MYO1D: variants seen among roughly 807,000 people sequenced by gnomAD.
MYO1D encodes the protein myosin ID.
A neutral mutation model predicts 122.0 loss-of-function variants in MYO1D; 83 were observed. The ratio of observed to expected loss-of-function variants is 0.68; its 90% CI spans 0.57 to 0.82. The LOEUF (loss-of-function observed/expected upper bound fraction) is 0.82, where lower values mean the gene tolerates loss of function less well. Among genes scored for constraint, MYO1D ranks in the 40% least tolerant of loss-of-function variants. The pLI is 0.00. For synonymous variants in MYO1D, 464 were observed against 446.9 expected, an observed-to-expected ratio of 1.04 and a Z score of -0.48; for missense variants, 1,157 against 1,269.5, an observed-to-expected ratio of 0.91 and a Z score of 1.35.
intron 14 of MYO1D, among the ~76,000 whole-genome samples, chr17:32,725,844 G>A (rs1598042902): frequency 1.3e-5 from 2 of 151,954 alleles, no homozygotes; most frequent in East Asian, 3.9e-4. Context: ...AATCAAAGCA[G>A]CCAGAGGGAA....
At chr17:32,526,471 G>A (rs1440060772) in intron 21 of MYO1D, among the ~76,000 whole-genome samples, 1 of 152,112 alleles carries the variant, frequency 6.6e-6, no homozygotes, top group Non-Finnish European at 1.5e-5. Context: ...ATGAAAATGT[G>A]GCACTACAGA....
intron 1 of MYO1D, among the ~76,000 whole-genome samples, chr17:32,822,686 C>T (rs917967474): frequency 1.3e-5 from 2 of 149,936 alleles, no homozygotes; most frequent in Admixed American, 6.6e-5. Flanking sequence ...TTCCGGCCCT[C>T]GCGCGTCCCT....
At chr17:32,611,125 C>A (rs112072161) in intron 20 of MYO1D, among the ~76,000 whole-genome samples, 1,525 of 152,194 alleles carry the variant, frequency 0.01, 30 homozygotes, top group African/African-American at 0.035. Context: ...GAAGAGGAGG[C>A]CGGCCTGAGA....
At chr17:32,748,238 A>G (rs186992077) in intron 12 of MYO1D, among the ~76,000 whole-genome samples, 1 of 152,318 alleles carries the variant, frequency 6.6e-6, no homozygotes, top group Non-Finnish European at 1.5e-5. Context: ...AATATTTGGA[A>G]AATAATGTAG....
chr17:32,733,755 C>A (rs927373262), intron 14 of MYO1D, among the ~76,000 whole-genome samples: 1 of 152,170 alleles, frequency 6.6e-6, no homozygotes, highest in Non-Finnish European at 1.5e-5. Flanking sequence ...ACTCAGTTAA[C>A]TTCTGTATTC....
intron 1 of MYO1D, among the ~76,000 whole-genome samples, chr17:32,816,237 C>T (rs751009688): frequency 1.1e-4 from 17 of 152,206 alleles, no homozygotes; most frequent in Non-Finnish European, 1.3e-4. Context: ...AAATTATCAA[C>T]AATCATATTA....
At chr17:32,764,116 C>A (rs1567629793) in intron 8 of MYO1D, among the ~76,000 whole-genome samples, 1 of 152,150 alleles carries the variant, frequency 6.6e-6, no homozygotes, top group Non-Finnish European at 1.5e-5. Context: ...ACTATCACTG[C>A]AGGCTTAGTA....
At chr17:32,514,070 C>T (rs796625771) in intron 21 of MYO1D, among the ~76,000 whole-genome samples, 7 of 151,704 alleles carry the variant, frequency 4.6e-5, no homozygotes, top group African/African-American at 7.3e-5. Flanking sequence ...AGTGAAACTC[C>T]GTCTCTACTA....
At chr17:32,495,051 C>T in intron 21 of MYO1D, 136 bp from the exon 22 acceptor site, 1 of 1,137,688 alleles carries the variant, frequency 8.8e-7, no homozygotes, top group Non-Finnish European at 1.2e-6. Context: ...GCCTGAAGGG[C>T]CCCAGAGAGG....
intron 21 of MYO1D, among the ~76,000 whole-genome samples, chr17:32,580,208 A>G (rs11870140): frequency 0.17 from 25,813 of 149,924 alleles, 2,838 homozygotes; most frequent in Non-Finnish European, 0.25. Context: ...ACCATTAAAT[A>G]TGATATTTGC....
intron 21 of MYO1D, among the ~76,000 whole-genome samples, chr17:32,581,702 A>G (rs969451011): frequency 1.3e-5 from 2 of 151,132 alleles, no homozygotes; most frequent in African/African-American, 2.4e-5. Context: ...CCTCCTAACT[A>G]GCTGAGAATA....
intron 6 of MYO1D, among the ~76,000 whole-genome samples, chr17:32,768,516 G>A (rs1353603134): frequency 1.3e-5 from 2 of 152,178 alleles, no homozygotes; most frequent in African/African-American, 4.8e-5. Flanking sequence ...TCCTCAGTAA[G>A]TTTCTCCTCT....
At chr17:32,739,144 C>T (rs2089744148) in intron 13 of MYO1D, among the ~76,000 whole-genome samples, 1 of 151,960 alleles carries the variant, frequency 6.6e-6, no homozygotes, top group African/African-American at 2.4e-5. Context: ...ATTTTGGGTG[C>T]TTTTGATGTT....
intron 21 of MYO1D, among the ~76,000 whole-genome samples, chr17:32,557,547 G>C (rs2087079088): frequency 6.6e-6 from 1 of 151,928 alleles, no homozygotes; most frequent in Non-Finnish European, 1.5e-5. Context: ...ACTCAGGCCA[G>C]AGTGCAGTGG....
At chr17:32,683,474 G>T (rs2088953414) in intron 16 of MYO1D, among the ~76,000 whole-genome samples, 1 of 152,136 alleles carries the variant, frequency 6.6e-6, no homozygotes, top group Non-Finnish European at 1.5e-5. Context: ...TAACAGACAG[G>T]ACCCTCAGCT....
At chr17:32,641,973 T>C (rs1368280284) in intron 19 of MYO1D, among the ~76,000 whole-genome samples, 2 of 152,242 alleles carry the variant, frequency 1.3e-5, no homozygotes, top group African/African-American at 2.4e-5. Context: ...TTGTTGCCAT[T>C]GCTTTTGGTG....
chr17:32,747,447 A>G (rs1237705846), intron 12 of MYO1D, among the ~76,000 whole-genome samples: 5 of 152,212 alleles, frequency 3.3e-5, no homozygotes, highest in Admixed American at 1.3e-4. Flanking sequence ...ATGTTGCCTT[A>G]TATCATAAAA....
chr17:32,677,261 T>C (rs950643144), intron 16 of MYO1D, among the ~76,000 whole-genome samples: 3 of 152,168 alleles, frequency 2.0e-5, no homozygotes, highest in South Asian at 2.1e-4. Flanking sequence ...ATTAGGGGAA[T>C]TGAATCATAA....
At chr17:32,613,554 T>C (rs534019675) in intron 20 of MYO1D, among the ~76,000 whole-genome samples, 339 of 152,084 alleles carry the variant, frequency 2.2e-3, no homozygotes, top group Admixed American at 5.5e-3. Flanking sequence ...GGTGGGCAGA[T>C]CACGAGGTCA....
Sources: allele counts gnomAD v4.1 joint callset (sites outside exome capture counted in the v4.1 genomes callset), GRCh38; gene constraint gnomAD v4.1.1; transcripts MANE v1.5; gene names NCBI Gene and HGNC (gene_info 2026-07-23, HGNC 2026-07-21).